Variants in EPB41L3 observed in about 807,000 individuals in gnomAD.
EPB41L3 encodes band 4.1-like protein 3.
EPB41L3 carries 57 observed loss-of-function variants against 127.1 expected under a neutral mutation model. That is an observed-to-expected ratio of 0.45 (90% CI 0.36 to 0.56). The LOEUF (loss-of-function observed/expected upper bound fraction) is 0.56. EPB41L3 is among the 20% of genes least tolerant of loss of function. The pLI is 0.00. For synonymous variants in EPB41L3, 572 were observed against 549.5 expected (o/e 1.04, Z -0.57); for missense variants, 1,273 against 1,372.2 (o/e 0.93, Z 1.14).
chr18:5,456,569 G>A (rs2083105594), intron 3 of EPB41L3, among the ~76,000 whole-genome samples: 1 of 152,178 alleles, frequency 6.6e-6, no homozygotes, highest in African/African-American at 2.4e-5. Flanking sequence ...AGTATTTAAA[G>A]TCCAGTAGAT....
chr18:5,400,764 C>G (rs2074375338), intron 16 of EPB41L3: 1 of 569,920 alleles, frequency 1.8e-6, no homozygotes, highest in South Asian at 2.1e-5. Flanking sequence ...GGATTAGAAG[C>G]CATGAAGAAA....
chr18:5,594,521 G>T (rs1268439853), intron 3 of EPB41L3, among the ~76,000 whole-genome samples: 1 of 152,156 alleles, frequency 6.6e-6, no homozygotes, highest in Non-Finnish European at 1.5e-5. Flanking sequence ...CATAAAAATT[G>T]ATTTAATTGG....
intron 3 of EPB41L3, among the ~76,000 whole-genome samples, chr18:5,475,957 T>A (rs544518825): frequency 6.6e-6 from 1 of 152,278 alleles, no homozygotes; most frequent in East Asian, 1.9e-4. Flanking sequence ...ATGCTTCCCC[T>A]TCTCTGTTTA....
chr18:5,630,072 G>A (rs965830153), upstream of EPB41L3, among the ~76,000 whole-genome samples: 16 of 152,282 alleles, frequency 1.1e-4, no homozygotes, highest in Admixed American at 5.2e-4. Flanking sequence ...CCCGGCTTCC[G>A]CGGCAGCTCC....
At chr18:5,612,211 C>G (rs2094734950) in intron 3 of EPB41L3, 1 of 152,078 alleles carries the variant, frequency 6.6e-6, no homozygotes, top group Admixed American at 6.5e-5. Flanking sequence ...TGTTAAAAGA[C>G]TGCAATTTGT....
intron 3 of EPB41L3, among the ~76,000 whole-genome samples, chr18:5,471,700 G>A (rs996741863): frequency 1.3e-5 from 2 of 152,180 alleles, no homozygotes; most frequent in Non-Finnish European, 2.9e-5. Flanking sequence ...GCATAGGGAA[G>A]GAAAGTCCAT....
rs1048462042 is a variant in EPB41L3 at position 5,526,827 on chromosome 18, C to T, written c.-12+17086G>A. Among the ~76,000 whole-genome samples the T allele has an allele frequency of 6.6e-5, 10 of 152,092 alleles. 1 individual carries two copies. The highest frequency in any genetic ancestry group is 2.2e-4 in the African/African-American group (9 of 41,412). ...GTGGTCCAAATGAAAAATTATCATTCGTGTTTCTTTAATTAGCATGCACAC... is the reference window on the plus strand; with the variant it reads ...GTGGTCCAAATGAAAAATTATCATTTGTGTTTCTTTAATTAGCATGCACAC... On this transcript the variant is annotated intron_variant, in intron 1 of 22. Transcript: ENST00000341928.
chr18:5,393,085 C>T lies in EPB41L3; in HGVS notation c.*400G>A, dbSNP rs1451778495. The T allele has an allele frequency of 1.7e-5, 3 of 175,462 alleles. No homozygotes were observed. Among genetic ancestry groups the T allele is most frequent in the Admixed American group, 1.3e-4 (2 of 15,962 alleles). The allele number at this position is 175,462 out of a possible 1,614,324, so 10.9% of individuals were successfully genotyped here. On this transcript the variant is annotated 3_prime_UTR_variant, in exon 23 of 23. Coordinates refer to ENST00000341928, the MANE Select transcript of EPB41L3 (RefSeq NM_012307.5). ...TCATTTATTGTAAATATAAGGTTAC[C>T]TAAGAAATTGCAATTTTGTTTAGAC...
intron 1 of EPB41L3, among the ~76,000 whole-genome samples, chr18:5,499,110 G>T (rs565508469): frequency 6.6e-6 from 1 of 152,228 alleles, no homozygotes; most frequent in African/African-American, 2.4e-5. Flanking sequence ...TCACTCGGAA[G>T]ACACAGGTGG....
intron 1 of EPB41L3, among the ~76,000 whole-genome samples, chr18:5,519,824 T>C (rs2092913877): frequency 1.3e-5 from 2 of 152,234 alleles, no homozygotes; most frequent in African/African-American, 4.8e-5. Context: ...TGATAACTTT[T>C]CCTCTAGTAG....
chr18:5,606,865 T>G (rs1416872025), intron 3 of EPB41L3, among the ~76,000 whole-genome samples: 1 of 149,358 alleles, frequency 6.7e-6, no homozygotes, highest in Non-Finnish European at 1.5e-5. Flanking sequence ...CCCTAACACC[T>G]GCCCACCATG....
intron 1 of EPB41L3, among the ~76,000 whole-genome samples, chr18:5,541,724 C>T: frequency 6.6e-6 from 1 of 152,132 alleles, no homozygotes; most frequent in Admixed American, 6.5e-5. Context: ...TGCTTTTAAC[C>T]TAAATCGCAT....
intron 1 of EPB41L3, among the ~76,000 whole-genome samples, chr18:5,490,754 A>G (rs2090494418): frequency 6.6e-6 from 1 of 152,334 alleles, no homozygotes; most frequent in Middle Eastern, 3.4e-3. Context: ...ATAAATATAT[A>G]GAGAAAACAG....
chr18:5,408,273 CTTTTTTTT>C (rs1208956534), intron 14 of EPB41L3, among the ~76,000 whole-genome samples: 1 of 50,468 alleles, frequency 2.0e-5, no homozygotes, highest in African/African-American at 3.3e-5. Context: ...TTTCTTTTTT[CTTTTTTTT>C]TTTTTTTTTT....
At chr18:5,620,279 C>G (rs1217170129) in intron 1 of EPB41L3, among the ~76,000 whole-genome samples, 1 of 152,166 alleles carries the variant, frequency 6.6e-6, no homozygotes, top group East Asian at 1.9e-4. Flanking sequence ...AATGACATTG[C>G]TGCTTACTTT....
At chr18:5,580,479 C>A (rs1372568391) in intron 3 of EPB41L3, among the ~76,000 whole-genome samples, 1 of 152,044 alleles carries the variant, frequency 6.6e-6, no homozygotes, top group Non-Finnish European at 1.5e-5. Flanking sequence ...TAGATACAGA[C>A]TCATATGCAC....
At chr18:5,502,022 G>A (rs982850574) in intron 1 of EPB41L3, among the ~76,000 whole-genome samples, 6 of 149,280 alleles carry the variant, frequency 4.0e-5, no homozygotes, top group African/African-American at 9.9e-5. Flanking sequence ...TGGCTCAGTC[G>A]CCATCTTCCC....
At chr18:5,610,225 C>A in intron 3 of EPB41L3, 1 of 985,284 alleles carries the variant, frequency 1.0e-6, no homozygotes, top group Non-Finnish European at 1.2e-6. Flanking sequence ...CCAAGTGAGA[C>A]AAGAAGGGTG....
chr18:5,439,974 C>A (rs2146093008), intron 5 of EPB41L3, among the ~76,000 whole-genome samples: 1 of 152,212 alleles, frequency 6.6e-6, no homozygotes, highest in South Asian at 2.1e-4. Context: ...TAATAAATAT[C>A]CAAGTTAGAC....
Sources: allele counts gnomAD v4.1 joint callset (sites outside exome capture counted in the v4.1 genomes callset), GRCh38; gene constraint gnomAD v4.1.1; transcripts MANE v1.5; gene names NCBI Gene and HGNC (gene_info 2026-07-23, HGNC 2026-07-21).